Variants in BCAS3 observed in about 807,000 individuals in gnomAD.
BCAS3 encodes BCAS4/BCAS3 fusion.
BCAS3 carries 53 observed loss-of-function variants against 116.1 expected under a neutral mutation model. The ratio of observed to expected loss-of-function variants is 0.46; its 90% CI spans 0.37 to 0.57. BCAS3 has a LOEUF of 0.57. BCAS3 is among the 20% of genes least tolerant of loss of function. The pLI, the probability that BCAS3 is intolerant of heterozygous loss-of-function variation, is 0.00. For synonymous variants in BCAS3, 391 were observed against 408.2 expected, an observed-to-expected ratio of 0.96 and a Z score of 0.51; for missense variants, 917 against 1,165.4, an observed-to-expected ratio of 0.79 and a Z score of 3.10.
intron 7 of BCAS3, among the ~76,000 whole-genome samples, chr17:60,835,705 T>C (rs1418719765): frequency 6.6e-6 from 1 of 152,080 alleles, no homozygotes; most frequent in Admixed American, 6.6e-5. Context: ...ACCTACATCA[T>C]AGGGTTATTG....
intron 9 of BCAS3, among the ~76,000 whole-genome samples, chr17:60,880,610 G>A (rs1424794302): frequency 6.6e-6 from 1 of 152,138 alleles, no homozygotes. Context: ...TTATCTGATC[G>A]TTAGTTGACA....
intron 10 of BCAS3, among the ~76,000 whole-genome samples, chr17:60,892,793 G>A (rs1264595591): frequency 2.6e-5 from 4 of 151,948 alleles, no homozygotes; most frequent in African/African-American, 9.6e-5. Flanking sequence ...GTGGTGGTGG[G>A]CGCCTGTAGT....
intron 22 of BCAS3, among the ~76,000 whole-genome samples, chr17:61,111,077 C>G (rs1031822355): frequency 2.0e-5 from 3 of 151,008 alleles, no homozygotes; most frequent in Admixed American, 2.0e-4. Flanking sequence ...ACACCGAAAA[C>G]CCATCTGTAC....
At chr17:61,230,598 C>G (rs369623055) in intron 22 of BCAS3, among the ~76,000 whole-genome samples, 7 of 152,262 alleles carry the variant, frequency 4.6e-5, no homozygotes, top group African/African-American at 1.7e-4. Context: ...AGATAATGGC[C>G]TCCAGTTCCA....
chr17:61,170,323 C>T (rs1224271543), intron 22 of BCAS3, among the ~76,000 whole-genome samples: 7 of 146,162 alleles, frequency 4.8e-5, no homozygotes, highest in Admixed American at 4.1e-4. Flanking sequence ...GACGGAGTCT[C>T]GCTCTGTCGC....
At position 61,230,868 on chromosome 17, in the gene BCAS3, G is replaced by A. The variant is rs115055050; in HGVS notation, c.2426-137459G>A. On this transcript the variant is annotated intron_variant, in intron 22 of 23. Transcript: ENST00000407086. ...GTTTTAAGTTCTTTGAGAACTCTCC[G>A]AACTGCTTTCCACAACGGCTGAACT... is the stretch of plus-strand genomic sequence containing the variant. 5.4e-3 allele frequency among the ~76,000 whole-genome samples: 820 copies of A among 151,832 alleles called. 8 individuals are homozygous for A. The highest frequency in any genetic ancestry group is 0.019 in the African/African-American group (778 of 41,390).
At chr17:61,353,938 C>A (rs369453461) in intron 22 of BCAS3, 3 of 152,296 alleles carry the variant, frequency 2.0e-5, no homozygotes, top group Non-Finnish European at 4.4e-5. Context: ...ACCTCCACCC[C>A]CTTAGGCTGC....
chr17:60,915,419 C>G (rs2058729471), intron 12 of BCAS3, among the ~76,000 whole-genome samples: 1 of 151,886 alleles, frequency 6.6e-6, no homozygotes, highest in African/African-American at 2.4e-5. Context: ...TTCATGTAAC[C>G]CCCACCACAG....
At chr17:60,759,011 C>T (rs568985760) in intron 6 of BCAS3, among the ~76,000 whole-genome samples, 12 of 150,788 alleles carry the variant, frequency 8.0e-5, no homozygotes, top group Non-Finnish European at 1.6e-4. Flanking sequence ...CACAGTCTCC[C>T]TCTTTTGCCT....
chr17:60,951,344 G>T (rs1567948348), intron 14 of BCAS3, among the ~76,000 whole-genome samples: 1 of 151,822 alleles, frequency 6.6e-6, no homozygotes, highest in Non-Finnish European at 1.5e-5. Flanking sequence ...TGACTTCATT[G>T]TTTTGCCCTA....
At chr17:61,271,124 CTT>C (rs1198682844) in intron 22 of BCAS3, among the ~76,000 whole-genome samples, 2,125 of 107,004 alleles carry the variant, frequency 0.02, 35 homozygotes, top group African/African-American at 0.071. Context: ...AACTTTTATT[CTT>C]TTTTTTTTTT....
At chr17:61,014,944 T>C (rs2065349862) in intron 15 of BCAS3, among the ~76,000 whole-genome samples, 1 of 152,126 alleles carries the variant, frequency 6.6e-6, no homozygotes, top group African/African-American at 2.4e-5. Flanking sequence ...GTACAAAACT[T>C]GTACCCTGAA....
rs1487269245 is a variant in BCAS3, at chr17:61,151,836, C to T, written c.2425+67272C>T. ...TGGATACAGTGTTGATGAGATAGAC[C>T]ACAGGCTTTTCATGCCAATACTCCT... On this transcript the variant is annotated intron_variant, in intron 22 of 23. Transcript: ENST00000407086. The surrounding 1 kb of genome is among the most constrained non-coding windows in gnomAD (Gnocchi z 4.8). Among the ~76,000 whole-genome samples, 1 of 152,074 alleles carries T rather than the reference C, an allele frequency of 6.6e-6. No individual in the cohort carries two copies. The highest frequency in any genetic ancestry group is 1.5e-5 in the Non-Finnish European group (1 of 68,014).
chr17:60,872,090 C>T (rs147982426), intron 8 of BCAS3, among the ~76,000 whole-genome samples: 2 of 151,838 alleles, frequency 1.3e-5, no homozygotes, highest in East Asian at 1.9e-4. Flanking sequence ...TGTTACTATA[C>T]GTATGGTATG....
At chr17:60,979,708 G>A (rs555787505) in intron 14 of BCAS3, among the ~76,000 whole-genome samples, 3 of 151,918 alleles carry the variant, frequency 2.0e-5, no homozygotes, top group African/African-American at 7.3e-5. Flanking sequence ...AGCATGAAGG[G>A]TTGTTGAATT....
chr17:60,916,777 G>A (rs1204181615), intron 12 of BCAS3, among the ~76,000 whole-genome samples: 1 of 152,030 alleles, frequency 6.6e-6, no homozygotes, highest in Non-Finnish European at 1.5e-5. Flanking sequence ...TCACAGAAGG[G>A]GAGAAAATAT....
In BCAS3 at chr17:61,356,140, G is replaced by A. The variant is rs142622839; in HGVS notation, c.2426-12187G>A. On this transcript the variant is annotated intron_variant, in intron 22 of 23. Coordinates refer to ENST00000407086, the MANE Select transcript of BCAS3 (RefSeq NM_017679.5). The surrounding 1 kb of genome is among the most constrained non-coding windows in gnomAD (Gnocchi z 5.4). ...CTCCCGAGTAGCTGGGATTACAGGC[G>A]CCTGCCATCATGCCCGGCTGATTTT... Among the ~76,000 whole-genome samples the A allele has an allele frequency of 3.9e-5, 6 of 152,108 alleles. No individual in the cohort carries two copies. Among genetic ancestry groups the A allele is most frequent in the African/African-American group, 9.7e-5 (4 of 41,414 alleles).
intron 12 of BCAS3, among the ~76,000 whole-genome samples, chr17:60,918,940 G>T (rs186653501): frequency 1.7e-4 from 26 of 152,152 alleles, no homozygotes; most frequent in East Asian, 3.9e-4. Flanking sequence ...TGATCCACCC[G>T]CCTCAGCCTC....
intron 19 of BCAS3, chr17:61,070,400 T>TATATATA (rs1555698457): frequency 0.011 from 2,072 of 180,832 alleles, 93 homozygotes; most frequent in Non-Finnish European, 0.017. Flanking sequence ...TATATATATA[T>TATATATA]CTTTTCACCA....
Sources: gnomAD v4.1 joint callset for allele counts (sites outside exome capture counted in the v4.1 genomes callset) on GRCh38, gnomAD v4.1.1 for gene constraint, Gnocchi (gnomAD v3.1) non-coding constraint, MANE v1.5 for transcripts, NCBI Gene and HGNC (gene_info 2026-07-23, HGNC 2026-07-21) for gene names.